The following PRKDC variants were observed in gnomAD, a reference collection of about 807,000 sequenced individuals.
PRKDC encodes protein kinase, DNA-activated, catalytic subunit.
PRKDC carries 82 observed loss-of-function variants against 486.9 expected under a neutral mutation model. That is an observed-to-expected ratio of 0.17 (90% CI 0.14 to 0.20). The LOEUF is 0.20. Among genes scored for constraint, PRKDC ranks in the 10% least tolerant of loss-of-function variants. The pLI, the probability that PRKDC is intolerant of heterozygous loss-of-function variation, is 1.00. For synonymous variants in PRKDC, 1,895 were observed against 1,837.0 expected (o/e 1.03, Z -0.81); for missense variants, 4,504 against 5,038.2 (o/e 0.89, Z 3.21).
At chr8:47,922,656 A>C (rs543964340) in intron 21 of PRKDC, among the ~76,000 whole-genome samples, 18 of 152,270 alleles carry the variant, frequency 1.2e-4, no homozygotes, top group African/African-American at 4.3e-4. Flanking sequence ...TAAAACAGTG[A>C]ATCTCAGACA....
intron 7 of PRKDC, among the ~76,000 whole-genome samples, chr8:47,953,379 T>C (rs939732072): frequency 2.0e-5 from 3 of 152,192 alleles, no homozygotes; most frequent in African/African-American, 7.2e-5. Context: ...CACGTTAAAC[T>C]GGTGAGATCT....
At chr8:47,837,615 A>G (rs2088056303) in intron 56 of PRKDC, among the ~76,000 whole-genome samples, 196 bp from the exon 57 acceptor site, 1 of 152,170 alleles carries the variant, frequency 6.6e-6, no homozygotes, top group African/African-American at 2.4e-5. Flanking sequence ...GAATATTACA[A>G]AAAATGTAGC....
Position 47,849,366 on chromosome 8 carries a change from G to A in PRKDC, c.7130+13C>T. 1 of 1,613,932 alleles carries A rather than the reference G, an allele frequency of 6.2e-7. No individual in the cohort carries two copies. Among genetic ancestry groups the A allele is most frequent in the Non-Finnish European group, 8.5e-7 (1 of 1,179,870 alleles). On this transcript the variant is annotated intron_variant, in intron 53 of 85. Coordinates refer to ENST00000314191, the MANE Select transcript of PRKDC (RefSeq NM_006904.7). ...ACCCTCCTGCCCCGAAAGGATCCCT[G>A]GACAGCCCATACCTGTCTGCAAGAG...
In PRKDC at chr8:47,823,993, C is replaced by G. The variant is rs918972042; in HGVS notation, c.8787G>C (p.Leu2929=). 6.2e-7 allele frequency: 1 copy of G among 1,601,178 alleles called. No homozygotes were observed. The highest frequency in any genetic ancestry group is 8.5e-7 in the Non-Finnish European group (1 of 1,171,276). Residue 2929 remains leucine (L), a synonymous_variant, in exon 64 of 86, where the codon CTG becomes CTC. Coordinates refer to ENST00000314191, the MANE Select transcript of PRKDC (RefSeq NM_006904.7). ...CGTCGTATTCTCCAATTGATCTATA[C>G]AGCCTACAAAACAAATCAAAAAGGC... ...DVLRWVELAK[L]YRSIGEYDVL...
At chr8:47,802,218 G>A (rs1231576388) in intron 70 of PRKDC, among the ~76,000 whole-genome samples, 1 of 151,916 alleles carries the variant, frequency 6.6e-6, no homozygotes, top group African/African-American at 2.4e-5. Context: ...CTGGGACTAT[G>A]GGTGCGTGCC....
intron 40 of PRKDC, 43 bp downstream of exon 40, chr8:47,877,681 G>A: frequency 6.8e-7 from 1 of 1,475,404 alleles, no homozygotes; most frequent in Non-Finnish European, 9.0e-7. Context: ...CCACAAAACT[G>A]AAATGCGTAT....
intron 40 of PRKDC, 82 bp downstream of exon 40, chr8:47,877,642 T>A: frequency 8.4e-7 from 1 of 1,184,048 alleles, no homozygotes. Context: ...GCCACTCAGC[T>A]TTTTTTTTGG....
In PRKDC at chr8:47,879,557, G is replaced by A; in HGVS notation, c.5169C>T (p.Pro1723=). Reference sequence around the variant, plus strand: ...CTGGAGGAAATTCCCTGGACTGCATGGGGAAGTGAGCAACGATGAGCTGCT... The same window carrying A: ...CTGGAGGAAATTCCCTGGACTGCATAGGGAAGTGAGCAACGATGAGCTGCT... The part of the protein sequence containing the change: ...VLEQLIVAHF[P]MQSREFPPGT... Residue 1723 remains proline, a synonymous_variant, in exon 39 of 86, where the codon CCC becomes CCT. Transcript: ENST00000314191. The A allele has an allele frequency of 6.3e-7, 1 of 1,598,228 alleles. No individual in the cohort carries two copies. Among genetic ancestry groups the A allele is most frequent in the Non-Finnish European group, 8.5e-7 (1 of 1,172,030 alleles).
chr8:47,791,470 G>A (rs371519587), intron 74 of PRKDC, among the ~76,000 whole-genome samples: 79 of 151,938 alleles, frequency 5.2e-4, no homozygotes, highest in African/African-American at 1.6e-3. Flanking sequence ...GCAATACACC[G>A]CCTCAAAAAC....
intron 28 of PRKDC, among the ~76,000 whole-genome samples, 170 bp downstream of exon 28, chr8:47,900,202 AT>A (rs766655454): frequency 5.1e-4 from 78 of 152,318 alleles, no homozygotes; most frequent in Non-Finnish European, 2.2e-4. Flanking sequence ...GCATGAAAAA[AT>A]TATTAACAAG....
chr8:47,802,030 A>T (rs2087118463), intron 70 of PRKDC, among the ~76,000 whole-genome samples: 2 of 152,200 alleles, frequency 1.3e-5, no homozygotes, highest in African/African-American at 4.8e-5. Context: ...AAAAGCCCAT[A>T]TAATTATTTA....
intron 67 of PRKDC, 29 bp downstream of exon 67, chr8:47,819,373 G>GC (rs1554629256): frequency 7.6e-7 from 1 of 1,316,708 alleles, no homozygotes; most frequent in East Asian, 2.5e-5. Flanking sequence ...AATTAGAAAT[G>GC]AAAAAAAAAG....
At chr8:47,783,662 T>G in intron 78 of PRKDC, 80 bp downstream of exon 78, 2 of 1,397,068 alleles carry the variant, frequency 1.4e-6, no homozygotes, top group Non-Finnish European at 2.0e-6. Flanking sequence ...CGTTGTCTCA[T>G]ATACTAAAGG....
chr8:47,893,202 C>G lies in PRKDC; in HGVS notation c.3784G>C (p.Ala1262Pro). Residue 1262 changes from alanine (A) to proline (P), a missense_variant, in exon 31 of 86, where the codon GCC becomes CCC. Around this residue, in one of 6 missense-constraint regions of PRKDC, gnomAD observed 1,969 missense variants for 2,068.9 expected, o/e 0.95. Transcript: ENST00000314191. ...ATLCWLDLLL[A>P]ALECYNTFIG... ...AACGTGTTGTAGCACTCCAACGCGG[C>G]CAGGAGCAGGTCCAGCCAGCATAGC... 6.2e-7 allele frequency: 1 copy of G among 1,613,054 alleles called. No individual in the cohort carries two copies. Among genetic ancestry groups the G allele is most frequent in the Non-Finnish European group, 8.5e-7 (1 of 1,179,460 alleles).
rs576649177 is a variant in PRKDC at position 47,800,999 on chromosome 8, A to AAAAAC, written c.9923-18_9923-14dup. ...ACGTTGTTCTCATCTGTTGGATTAA[A>AAAAAC]AAAACAAAACAAAACAAAATTTTGT... On this transcript the variant is annotated splice_polypyrimidine_tract_variant and intron_variant, in intron 70 of 85. Transcript: ENST00000314191. 5.0e-6 allele frequency: 8 copies of AAAAAC among 1,611,694 alleles called. No individual in the cohort carries two copies. Among genetic ancestry groups the AAAAAC allele is most frequent in the East Asian group, 2.2e-5 (1 of 44,870 alleles).
In PRKDC at chr8:47,863,559, C is replaced by T; in HGVS notation, c.5590G>A (p.Asp1864Asn). 6.2e-7 allele frequency: 1 copy of T among 1,611,010 alleles called. No homozygotes were observed. Among genetic ancestry groups the T allele is most frequent in the Non-Finnish European group, 8.5e-7 (1 of 1,178,502 alleles). Residue 1864 changes from aspartate (D) to asparagine (N), a missense_variant, in exon 42 of 86, where the codon GAT (aspartate) becomes AAT (asparagine). Physicochemically the swap from Asp to Asn is conservative, Grantham distance 23 (BLOSUM62 1). Around this residue, in one of 6 missense-constraint regions of PRKDC, gnomAD observed 80 missense variants for 132.3 expected, o/e 0.60. Coordinates refer to ENST00000314191, the MANE Select transcript of PRKDC (RefSeq NM_006904.7). ...RFTKLNESTF[D>N]TQITKKMGYY... ...CCCATCTTCTTGGTGATTTGAGTAT[C>T]AAAGGTAGATTCATTTAGCTTCAAA...
intron 52 of PRKDC, among the ~76,000 whole-genome samples, chr8:47,850,253 C>T (rs2088371713): frequency 6.6e-6 from 1 of 152,176 alleles, no homozygotes; most frequent in Non-Finnish European, 1.5e-5. Flanking sequence ...GAGGGGTAGG[C>T]AACGTTTCAA....
At chr8:47,790,284 T>C (rs774734416) in intron 74 of PRKDC, among the ~76,000 whole-genome samples, 2 of 152,110 alleles carry the variant, frequency 1.3e-5, no homozygotes, top group African/African-American at 4.8e-5. Flanking sequence ...GAAACAGAAA[T>C]CATAGAAGTA....
At position 47,807,283 on chromosome 8, in the gene PRKDC, G is replaced by T. The variant is rs8178216; in HGVS notation, c.9601C>A (p.Pro3201Thr). 1 of 1,605,754 alleles carries T rather than the reference G, an allele frequency of 6.2e-7. No individual in the cohort carries two copies. Among genetic ancestry groups the T allele is most frequent in the Non-Finnish European group, 8.5e-7 (1 of 1,175,512 alleles). The stretch of plus-strand genomic sequence containing the variant: ...TCCACATTCATACTATTATCTTCTG[G>T]AAGAGGGGTAAGCTTCTCCTCTATT... The part of the protein sequence containing the change: ...SKIEEKLTPL[P>T]EDNSMNVDQD... The change falls in exon 69 of 86, where the codon CCA becomes ACA. Residue 3201 changes from proline (P) to threonine (T), a missense_variant. Coordinates refer to ENST00000314191, the MANE Select transcript of PRKDC (RefSeq NM_006904.7).
Sources: gnomAD v4.1 joint callset for allele counts (sites outside exome capture counted in the v4.1 genomes callset) on GRCh38, gnomAD v4.1.1 for gene constraint, gnomAD v4.1.1 regional missense constraint, MANE v1.5 for transcripts, NCBI Gene and HGNC (gene_info 2026-07-23, HGNC 2026-07-21) for gene names.